The following COL24A1 variants were observed in gnomAD, a reference collection of about 807,000 sequenced individuals.
COL24A1 encodes collagen alpha-1(XXIV) chain.
COL24A1 carries 224 observed loss-of-function variants against 253.9 expected under a neutral mutation model. That is an observed-to-expected ratio of 0.88 (90% CI 0.79 to 0.99). The LOEUF (loss-of-function observed/expected upper bound fraction) is 0.99, where lower values mean the gene tolerates loss of function less well. Ranked by LOEUF, COL24A1 falls within the 50% of genes least tolerant of loss-of-function variation. The pLI, the probability that COL24A1 is intolerant of heterozygous loss-of-function variation, is 0.00. For missense variants in COL24A1, 2,131 were observed against 2,068.5 expected (o/e 1.03, Z -0.59); for synonymous variants, 685 against 673.7 (o/e 1.02, Z -0.26).
intron 43 of COL24A1, among the ~76,000 whole-genome samples, chr1:85,834,378 A>G (rs1675760635): frequency 6.6e-6 from 1 of 152,132 alleles, no homozygotes; most frequent in Non-Finnish European, 1.5e-5. Context: ...TGGTTTAGAC[A>G]TCTGAATGGC....
At chr1:85,758,824 G>T (rs1412428383) in intron 55 of COL24A1, among the ~76,000 whole-genome samples, 1 of 151,914 alleles carries the variant, frequency 6.6e-6, no homozygotes, top group Non-Finnish European at 1.5e-5. Context: ...TTTTTAAATT[G>T]AGGTAAAATT....
intron 24 of COL24A1, among the ~76,000 whole-genome samples, chr1:85,948,330 C>G (rs1185174288): frequency 6.6e-6 from 1 of 151,538 alleles, no homozygotes; most frequent in Non-Finnish European, 1.5e-5. Context: ...CGAGACCATC[C>G]TGGCTAACAC....
intron 55 of COL24A1, among the ~76,000 whole-genome samples, chr1:85,760,462 G>T (rs911344127): frequency 2.0e-5 from 3 of 152,092 alleles, no homozygotes; most frequent in African/African-American, 7.2e-5. Context: ...GTTTTCAAGG[G>T]GATAGTCTTC....
chr1:85,896,337 G>A lies in COL24A1; in HGVS notation c.2832+19C>T, dbSNP rs1683715864. 6.2e-7 allele frequency: 1 copy of A among 1,605,538 alleles called. No homozygotes were observed. The highest frequency in any genetic ancestry group is 8.5e-7 in the Non-Finnish European group (1 of 1,172,616). On this transcript the variant is annotated intron_variant, in intron 29 of 59. Transcript: ENST00000370571. ...AATAAAATTTAACTACATATGAAAT[G>A]AGAAAAATCAATGATTACCTTGGCA...
chr1:85,738,189 G>A (rs566590907), intron 57 of COL24A1, among the ~76,000 whole-genome samples: 12 of 152,126 alleles, frequency 7.9e-5, no homozygotes, highest in Non-Finnish European at 1.6e-4. Context: ...AAGTATATGT[G>A]TATATTTCTG....
At chr1:85,946,956 T>C (rs560280126) in intron 24 of COL24A1, among the ~76,000 whole-genome samples, 122 of 152,342 alleles carry the variant, frequency 8.0e-4, no homozygotes, top group Non-Finnish European at 1.5e-3. Flanking sequence ...AGTCAGTGTG[T>C]ACTTCATGCT....
At chr1:85,806,657 A>G (rs1672002738) in intron 47 of COL24A1, among the ~76,000 whole-genome samples, 1 of 141,534 alleles carries the variant, frequency 7.1e-6, no homozygotes, top group Admixed American at 7.1e-5. Context: ...GGGCCATACA[A>G]AAACAGGCTG....
chr1:85,974,688 G>T (rs1692491800), intron 20 of COL24A1, among the ~76,000 whole-genome samples: 1 of 151,928 alleles, frequency 6.6e-6, no homozygotes, highest in Admixed American at 6.6e-5. Context: ...TCCTTAATAG[G>T]GTTTGTTTTA....
intron 53 of COL24A1, among the ~76,000 whole-genome samples, chr1:85,771,778 T>TTTTATTTATTTA (rs200015208): frequency 0.05 from 7,290 of 146,538 alleles, 216 homozygotes; most frequent in African/African-American, 0.082. Flanking sequence ...TGCCTGACTT[T>TTTTATTTATTTA]TTTATTTATT....
intron 6 of COL24A1, among the ~76,000 whole-genome samples, chr1:86,089,635 C>T (rs1451286016): frequency 6.6e-6 from 1 of 152,118 alleles, no homozygotes; most frequent in East Asian, 1.9e-4. Context: ...GCCTGGCCAA[C>T]ATGGTGAAAC....
intron 7 of COL24A1, among the ~76,000 whole-genome samples, chr1:86,083,551 C>T (rs1702834935): frequency 6.6e-6 from 1 of 152,064 alleles, no homozygotes; most frequent in African/African-American, 2.4e-5. Context: ...GATCTTTTGC[C>T]TCTGTCTAGT....
At chr1:86,155,642 C>G (rs992266056) in intron 1 of COL24A1, 1 of 152,490 alleles carries the variant, frequency 6.6e-6, no homozygotes, top group Non-Finnish European at 1.5e-5. Context: ...GGCCCGCCCC[C>G]GTGTCCTGCT....
chr1:85,791,369 C>A (rs1028653796), intron 47 of COL24A1, among the ~76,000 whole-genome samples: 6 of 152,096 alleles, frequency 3.9e-5, no homozygotes, highest in South Asian at 2.1e-4. Flanking sequence ...TAAATCAGTA[C>A]AATCTTCTGT....
At chr1:85,950,526 T>TCAC (rs1689787661) in intron 24 of COL24A1, among the ~76,000 whole-genome samples, 1 of 152,156 alleles carries the variant, frequency 6.6e-6, no homozygotes, top group African/African-American at 2.4e-5. Flanking sequence ...TTGAACCCAG[T>TCAC]AAGTATTAGG....
At chr1:86,092,218 A>C (rs1319749744) in intron 6 of COL24A1, 49 bp downstream of exon 6, 6 of 1,392,122 alleles carry the variant, frequency 4.3e-6, no homozygotes, top group African/African-American at 1.5e-5. Context: ...ATTATTTTAA[A>C]ATGCTTGAAA....
intron 5 of COL24A1, among the ~76,000 whole-genome samples, chr1:86,093,323 GT>G (rs966448175): frequency 1.3e-5 from 2 of 151,984 alleles, no homozygotes; most frequent in Non-Finnish European, 2.9e-5. Flanking sequence ...AGGAAGGGGG[GT>G]CCAGTTTTAA....
At chr1:85,766,013 A>G (rs1160895397) in intron 53 of COL24A1, among the ~76,000 whole-genome samples, 1 of 152,172 alleles carries the variant, frequency 6.6e-6, no homozygotes. Flanking sequence ...AGAATTCTAC[A>G]TGTTATCTGC....
chr1:86,059,838 T>C (rs1700946280), intron 8 of COL24A1, among the ~76,000 whole-genome samples: 1 of 152,082 alleles, frequency 6.6e-6, no homozygotes, highest in Non-Finnish European at 1.5e-5. Context: ...ATGAATGGGA[T>C]AAATGACCTT....
At position 86,089,169 on chromosome 1, in the gene COL24A1, C is replaced by T. The variant is rs1276918288; in HGVS notation, c.1707+5G>A. The T allele has an allele frequency of 1.9e-6, 3 of 1,566,568 alleles. No homozygotes were observed. Among genetic ancestry groups the T allele is most frequent in the East Asian group, 4.6e-5 (2 of 43,806 alleles). ...AAAAAGAAAAGAAGTAAAATTCCAA[C>T]TTACCTTATCACCTTGCATACCAGG... is the stretch of plus-strand genomic sequence containing the variant. On this transcript the variant is annotated splice_donor_5th_base_variant and intron_variant, in intron 7 of 59. Transcript: ENST00000370571.
Sources: gnomAD v4.1 joint callset for allele counts (sites outside exome capture counted in the v4.1 genomes callset) on GRCh38, gnomAD v4.1.1 for gene constraint, MANE v1.5 for transcripts, NCBI Gene and HGNC (gene_info 2026-07-23, HGNC 2026-07-21) for gene names.